BIRC6: variants seen among roughly 807,000 people sequenced by gnomAD.
The protein encoded by BIRC6 is baculoviral IAP repeat containing 6, also known as dual E2 ubiquitin-conjugating enzyme/E3 ubiquitin-protein ligase BIRC6.
A neutral mutation model predicts 503.3 loss-of-function variants in BIRC6; 98 were observed. That is an observed-to-expected ratio of 0.19 (90% CI 0.17 to 0.23). The LOEUF is 0.23. Ranked by LOEUF, BIRC6 falls within the 10% of genes least tolerant of loss-of-function variation. The pLI is 1.00. For synonymous variants in BIRC6, 2,240 were observed against 2,078.7 expected, an observed-to-expected ratio of 1.08 and a Z score of -2.11; for missense variants, 5,360 against 5,806.0, an observed-to-expected ratio of 0.92 and a Z score of 2.50.
At chr2:32,608,556 G>A (rs1440513137) in intron 72 of BIRC6, among the ~76,000 whole-genome samples, 2 of 151,666 alleles carry the variant, frequency 1.3e-5, no homozygotes, top group African/African-American at 2.4e-5. Flanking sequence ...CTGGGATTAC[G>A]GGCATGTGGC....
At chr2:32,457,238 AG>A (rs748949925) in intron 23 of BIRC6, among the ~76,000 whole-genome samples, 2 of 152,226 alleles carry the variant, frequency 1.3e-5, no homozygotes, top group Non-Finnish European at 2.9e-5. Context: ...AGTGGCATGT[AG>A]TTGCATTTAT....
chr2:32,508,275 C>CGTTTTT lies in BIRC6; in HGVS notation c.9980+16_9980+17insGTTTTT, dbSNP rs1558924779. 1.7e-6 allele frequency: 1 copy of CGTTTTT among 577,284 alleles called. No individual in the cohort carries two copies. Among genetic ancestry groups the CGTTTTT allele is most frequent in the Non-Finnish European group, 2.2e-6 (1 of 454,480 alleles). The allele number at this position is 577,284 out of a possible 1,614,324, so 35.8% of individuals were successfully genotyped here. A position where few individuals can be genotyped will look rare whatever the true frequency, so the allele number is the denominator to read the frequency against. On this transcript the variant is annotated intron_variant, in intron 51 of 73. Transcript: ENST00000421745. ...CCAAAACAAGGTATGTTTTGTTTGT[C>CGTTTTT]CTTTTTTTTTTTTTTTTTTTTTTTT... is the stretch of plus-strand genomic sequence containing the variant.
chr2:32,518,870 T>C lies in BIRC6; in HGVS notation c.11547T>C (p.Tyr3849=). The C allele has an allele frequency of 6.2e-7, 1 of 1,613,802 alleles. No individual in the cohort carries two copies. Among genetic ancestry groups the C allele is most frequent in the Non-Finnish European group, 8.5e-7 (1 of 1,179,732 alleles). The change falls in exon 57 of 74, where the codon TAT becomes TAC. Residue 3849 remains tyrosine, a synonymous_variant. Coordinates refer to ENST00000421745, the MANE Select transcript of BIRC6 (RefSeq NM_016252.4). ...ATSHVIQHPM[Y]GAGHKFRTLH... ...GCCACGTCATCCAGCATCCAATGTA[T>C]GGAGCAGGCCACAAATTCCGTACTC...
chr2:32,567,037 C>A (rs2059580997), intron 65 of BIRC6, among the ~76,000 whole-genome samples: 1 of 152,162 alleles, frequency 6.6e-6, no homozygotes, highest in Admixed American at 6.5e-5. Flanking sequence ...GTGGCATGAT[C>A]TTGGCTCACT....
chr2:32,443,798 G>A (rs75270118), intron 20 of BIRC6, among the ~76,000 whole-genome samples: 4,097 of 152,244 alleles, frequency 0.027, 99 homozygotes, highest in African/African-American at 0.071. Flanking sequence ...GAGCAGTTAC[G>A]TTAATATCAA....
intron 66 of BIRC6, among the ~76,000 whole-genome samples, chr2:32,583,856 A>G (rs1330312864): frequency 1.3e-5 from 2 of 152,032 alleles, no homozygotes; most frequent in Admixed American, 1.3e-4. Flanking sequence ...TCAGCCTCCC[A>G]AGTAACTGGA....
At chr2:32,561,582 T>C (rs2059189853) in intron 65 of BIRC6, among the ~76,000 whole-genome samples, 1 of 151,936 alleles carries the variant, frequency 6.6e-6, no homozygotes, top group Non-Finnish European at 1.5e-5. Context: ...AATTATGAAA[T>C]TTGAAATCGT....
chr2:32,465,244 G>A, intron 26 of BIRC6, 80 bp downstream of exon 26: 2 of 391,186 alleles, frequency 5.1e-6, no homozygotes, highest in Non-Finnish European at 4.0e-6. Context: ...TTATTCTTCA[G>A]TTCGATTTTT....
intron 61 of BIRC6, chr2:32,532,324 T>A: frequency 2.2e-6 from 1 of 457,796 alleles, no homozygotes. Context: ...AGGGCCATGC[T>A]CCCTCTGAAT....
chr2:32,524,857 G>T, intron 57 of BIRC6, 31 bp from the exon 58 acceptor site: 2 of 1,306,064 alleles, frequency 1.5e-6, no homozygotes, highest in Non-Finnish European at 2.0e-6. Flanking sequence ...ATTTGGAAAA[G>T]CAGTGTATTT....
chr2:32,481,943 G>A (rs1246337544), intron 38 of BIRC6, among the ~76,000 whole-genome samples: 1 of 151,974 alleles, frequency 6.6e-6, no homozygotes, highest in Non-Finnish European at 1.5e-5. Flanking sequence ...AACAATCAAT[G>A]GAATAGTATA....
At chr2:32,443,035 C>G (rs1020210599) in intron 19 of BIRC6, among the ~76,000 whole-genome samples, 2 of 152,054 alleles carry the variant, frequency 1.3e-5, no homozygotes, top group Admixed American at 1.3e-4. Context: ...AAGAGATTAA[C>G]AATAACTACT....
intron 57 of BIRC6, among the ~76,000 whole-genome samples, chr2:32,519,835 G>A (rs1343494463): frequency 6.6e-6 from 1 of 152,130 alleles, no homozygotes; most frequent in Admixed American, 6.5e-5. Context: ...ACTTTAGATA[G>A]TTGGAGTGTA....
chr2:32,524,906 C>G lies in BIRC6; in HGVS notation c.11642C>G (p.Ala3881Gly). Residue 3881 changes from alanine to glycine, a missense_variant, in exon 58 of 74, where the codon GCT becomes GGT. Around this residue, in one of 16 missense-constraint regions of BIRC6, gnomAD observed 878 missense variants for 928.9 expected, o/e 0.95. Coordinates refer to ENST00000421745, the MANE Select transcript of BIRC6 (RefSeq NM_016252.4). ...CTTACAGATACTCCAAGTATCACAGCTAAATTAATTAGTGAACAAAAAGAT... is the reference window on the plus strand; with the variant it reads ...CTTACAGATACTCCAAGTATCACAGGTAAATTAATTAGTGAACAAAAAGAT... ...DRVSDTPSIT[A>G]KLISEQKDDK... 8 of 1,488,332 alleles carry G rather than the reference C, an allele frequency of 5.4e-6. No individual in the cohort carries two copies. The highest frequency in any genetic ancestry group is 7.2e-6 in the Non-Finnish European group (8 of 1,109,868). The allele number at this position is 1,488,332 out of a possible 1,614,324, so 92.2% of individuals were successfully genotyped here.
At chr2:32,566,935 G>A (rs1338187923) in intron 65 of BIRC6, among the ~76,000 whole-genome samples, 2 of 152,138 alleles carry the variant, frequency 1.3e-5, no homozygotes, top group Non-Finnish European at 2.9e-5. Flanking sequence ...TAGAGAATCA[G>A]TTTTCTGAGA....
chr2:32,465,242 CAGTTCGA>C, intron 26 of BIRC6, 78 bp downstream of exon 26: 2 of 452,666 alleles, frequency 4.4e-6, no homozygotes. Context: ...CATTATTCTT[CAGTTCGA>C]TTTTTTTTTT....
chr2:32,474,225 G>T (rs145475896), intron 33 of BIRC6, among the ~76,000 whole-genome samples: 2 of 151,782 alleles, frequency 1.3e-5, no homozygotes, highest in African/African-American at 4.8e-5. Context: ...TTGGCAATAC[G>T]TTTTTTATTT....
chr2:32,461,778 G>A (rs2048020619), intron 23 of BIRC6, among the ~76,000 whole-genome samples: 1 of 152,036 alleles, frequency 6.6e-6, no homozygotes, highest in Admixed American at 6.6e-5. Context: ...CTACCTATGA[G>A]CAAATTACTT....
At chr2:32,537,507 A>C (rs1422164661) in intron 61 of BIRC6, among the ~76,000 whole-genome samples, 1 of 152,192 alleles carries the variant, frequency 6.6e-6, no homozygotes, top group Non-Finnish European at 1.5e-5. Flanking sequence ...AAATAAGCAA[A>C]AAAATCTGTC....
Sources: gnomAD v4.1 joint callset for allele counts (sites outside exome capture counted in the v4.1 genomes callset) on GRCh38, gnomAD v4.1.1 for gene constraint, gnomAD v4.1.1 regional missense constraint, MANE v1.5 for transcripts, NCBI Gene and HGNC (gene_info 2026-07-23, HGNC 2026-07-21) for gene names.